HAT1: variants seen among roughly 807,000 people sequenced by gnomAD.
HAT1 encodes histone acetyltransferase type B catalytic subunit.
A neutral mutation model predicts 56.6 loss-of-function variants in HAT1; 20 were observed. The ratio of observed to expected loss-of-function variants is 0.35; its 90% CI spans 0.25 to 0.51. The LOEUF (loss-of-function observed/expected upper bound fraction) is 0.51. Ranked by LOEUF, HAT1 falls within the 20% of genes least tolerant of loss-of-function variation. HAT1 has a pLI of 0.95. For synonymous variants in HAT1, 146 were observed against 165.5 expected, an observed-to-expected ratio of 0.88 and a Z score of 0.91; for missense variants, 408 against 504.3, an observed-to-expected ratio of 0.81 and a Z score of 1.83.
At chr2:171,942,301 T>A (rs1687038317) in intron 2 of HAT1, among the ~76,000 whole-genome samples, 1 of 152,246 alleles carries the variant, frequency 6.6e-6, no homozygotes, top group Non-Finnish European at 1.5e-5. Context: ...TGCAGAAAAT[T>A]TGGAAAGTAG....
chr2:171,930,051 A>G (rs184360498), intron 2 of HAT1, among the ~76,000 whole-genome samples: 2 of 152,198 alleles, frequency 1.3e-5, no homozygotes, highest in Non-Finnish European at 1.5e-5. Flanking sequence ...TATGAACATG[A>G]TGTATTTCTG....
chr2:171,930,615 G>T, intron 2 of HAT1, among the ~76,000 whole-genome samples: 1 of 152,080 alleles, frequency 6.6e-6, no homozygotes, highest in East Asian at 1.9e-4. Context: ...GTAGTTTTTT[G>T]TATTCTGGGC....
At chr2:171,957,409 TTGTCCTATGCC>T (rs1687474038) in intron 4 of HAT1, among the ~76,000 whole-genome samples, 1 of 152,220 alleles carries the variant, frequency 6.6e-6, no homozygotes, top group African/African-American at 2.4e-5. Context: ...TCTATAACTG[TTGTCCTATGCC>T]TGTCCTACCA....
At chr2:171,927,794 T>C (rs149178475) in intron 2 of HAT1, among the ~76,000 whole-genome samples, 3,348 of 152,068 alleles carry the variant, frequency 0.022, 56 homozygotes, top group Middle Eastern at 0.037. Context: ...TTCGCCATGT[T>C]GGTCAGTCTG....
intron 5 of HAT1, 87 bp downstream of exon 5, chr2:171,965,604 T>C: frequency 9.9e-7 from 1 of 1,005,142 alleles, no homozygotes; most frequent in Non-Finnish European, 1.5e-6. Context: ...TTATTCTAAC[T>C]GCAGTAAACA....
intron 2 of HAT1, among the ~76,000 whole-genome samples, chr2:171,932,163 T>G (rs1686765584): frequency 2.0e-5 from 3 of 152,238 alleles, no homozygotes; most frequent in Non-Finnish European, 4.4e-5. Flanking sequence ...CAGTATATTA[T>G]CCTTTTTCTG....
intron 2 of HAT1, among the ~76,000 whole-genome samples, chr2:171,931,963 T>C (rs367566558): frequency 3.3e-5 from 5 of 152,248 alleles, no homozygotes; most frequent in Non-Finnish European, 5.9e-5. Flanking sequence ...TGTAGGTTTT[T>C]CATATGTGCC....
intron 2 of HAT1, among the ~76,000 whole-genome samples, chr2:171,927,947 C>T (rs189955509): frequency 8.8e-4 from 133 of 151,042 alleles, no homozygotes; most frequent in African/African-American, 3.1e-3. Flanking sequence ...AGTGCAATGA[C>T]GCGGTCTTGG....
At chr2:171,946,657 C>A (rs1687172050) in intron 2 of HAT1, 51 bp from the exon 3 acceptor site, 1 of 1,031,364 alleles carries the variant, frequency 9.7e-7, no homozygotes, top group African/African-American at 1.6e-5. Context: ...CTGTCACCTT[C>A]AATATCTTTA....
chr2:171,947,952 A>T (rs1238321661), intron 3 of HAT1, among the ~76,000 whole-genome samples: 1 of 152,230 alleles, frequency 6.6e-6, no homozygotes, highest in East Asian at 1.9e-4. Flanking sequence ...CTTTGATTAC[A>T]TCATTGAAAT....
intron 8 of HAT1, among the ~76,000 whole-genome samples, chr2:171,968,730 A>G (rs574293570): frequency 1.1e-4 from 17 of 152,012 alleles, no homozygotes; most frequent in Non-Finnish European, 7.4e-5. Context: ...TAAGATATTT[A>G]TTTCTCCTAG....
At chr2:171,928,612 G>A (rs1386235107) in intron 2 of HAT1, among the ~76,000 whole-genome samples, 4 of 152,106 alleles carry the variant, frequency 2.6e-5, no homozygotes, top group African/African-American at 9.7e-5. Flanking sequence ...GGGTTCAAGC[G>A]ATTCTCCTGC....
At chr2:171,955,163 G>A (rs1188406520) in intron 4 of HAT1, among the ~76,000 whole-genome samples, 1 of 152,176 alleles carries the variant, frequency 6.6e-6, no homozygotes, top group African/African-American at 2.4e-5. Flanking sequence ...AACGAATACA[G>A]GTTTTCATAC....
In HAT1 at chr2:171,979,211, T is replaced by G. The variant is rs2105348741; in HGVS notation, c.976-36T>G. On this transcript the variant is annotated intron_variant, in intron 9 of 10. Transcript: ENST00000264108. ...TTGGGAAAGTGTCATTATTTTTACT[T>G]TGAAAATGTTCGCATTTTCTTTTGT... 3.1e-6 allele frequency: 3 copies of G among 954,892 alleles called. No individual in the cohort carries two copies. In the East Asian group the frequency reaches 7.2e-5, roughly 23 times the overall value. The allele number at this position is 954,892 out of a possible 1,614,324, so 59.2% of individuals were successfully genotyped here.
At chr2:171,936,781 A>G (rs1043329026) in intron 2 of HAT1, among the ~76,000 whole-genome samples, 2 of 152,192 alleles carry the variant, frequency 1.3e-5, no homozygotes, top group African/African-American at 4.8e-5. Context: ...GAAAAGATGT[A>G]TCGGGCAATA....
intron 2 of HAT1, among the ~76,000 whole-genome samples, chr2:171,929,337 G>A (rs1467093968): frequency 6.6e-6 from 1 of 151,860 alleles, no homozygotes; most frequent in Admixed American, 6.6e-5. Flanking sequence ...ATTAGTTGTA[G>A]GTGTTATTTA....
At chr2:171,970,096 G>A (rs1012025913) in intron 8 of HAT1, among the ~76,000 whole-genome samples, 19 of 152,142 alleles carry the variant, frequency 1.2e-4, no homozygotes, top group African/African-American at 3.6e-4. Context: ...GGAGGTCAAG[G>A]CTGCAGTGAG....
intron 2 of HAT1, among the ~76,000 whole-genome samples, chr2:171,945,058 A>G (rs1423590503): frequency 6.6e-6 from 1 of 152,050 alleles, no homozygotes; most frequent in East Asian, 1.9e-4. Context: ...TTTAGTAGAG[A>G]TGGCATTTCA....
chr2:171,941,936 G>A (rs532773338), intron 2 of HAT1, among the ~76,000 whole-genome samples: 3 of 152,048 alleles, frequency 2.0e-5, no homozygotes, highest in Non-Finnish European at 4.4e-5. Flanking sequence ...ATGGAGTCTT[G>A]TTCTGTCACC....
Sources: allele counts gnomAD v4.1 joint callset (sites outside exome capture counted in the v4.1 genomes callset), GRCh38; gene constraint gnomAD v4.1.1; transcripts MANE v1.5; gene names NCBI Gene and HGNC (gene_info 2026-07-23, HGNC 2026-07-21).